Variants in GTF2E2 observed in about 807,000 individuals in gnomAD.
The protein encoded by GTF2E2 is general transcription factor IIE subunit 2.
GTF2E2 carries 21 observed loss-of-function variants against 40.5 expected under a neutral mutation model. That is an observed-to-expected ratio of 0.52 (90% CI 0.37 to 0.75). The LOEUF (loss-of-function observed/expected upper bound fraction) is 0.75. Ranked by LOEUF, GTF2E2 falls within the 30% of genes least tolerant of loss-of-function variation. The pLI is 0.00. For synonymous variants in GTF2E2, 117 were observed against 121.6 expected (o/e 0.96, Z 0.25); for missense variants, 298 against 338.4 (o/e 0.88, Z 0.94).
At chr8:30,645,569 T>C (rs1487035701) in intron 2 of GTF2E2, 2 of 1,535,536 alleles carry the variant, frequency 1.3e-6, no homozygotes, top group Non-Finnish European at 1.7e-6. Context: ...ATGGACAACA[T>C]CAGAAAACGT....
intron 2 of GTF2E2, chr8:30,645,581 A>C: frequency 6.5e-7 from 1 of 1,535,634 alleles, no homozygotes; most frequent in East Asian, 2.4e-5. Context: ...AGAAAACGTG[A>C]AACTGAAGTG....
intron 3 of GTF2E2, among the ~76,000 whole-genome samples, chr8:30,620,111 T>G (rs1298875604): frequency 6.6e-6 from 1 of 152,004 alleles, no homozygotes; most frequent in East Asian, 1.9e-4. Context: ...ATACTCTGAC[T>G]TTAGCCCAGC....
At chr8:30,652,837 A>G (rs1394609338) in intron 2 of GTF2E2, among the ~76,000 whole-genome samples, 1 of 152,244 alleles carries the variant, frequency 6.6e-6, no homozygotes, top group Admixed American at 6.5e-5. Context: ...ATGGATAAAC[A>G]AACTGTGGTA....
intron 2 of GTF2E2, among the ~76,000 whole-genome samples, chr8:30,643,150 A>C (rs1311597912): frequency 6.6e-6 from 1 of 152,212 alleles, no homozygotes; most frequent in Non-Finnish European, 1.5e-5. Flanking sequence ...GAAAACAAAA[A>C]AATTTAAGGA....
intron 2 of GTF2E2, among the ~76,000 whole-genome samples, chr8:30,642,206 A>G (rs976712857): frequency 6.6e-6 from 1 of 152,124 alleles, no homozygotes; most frequent in Non-Finnish European, 1.5e-5. Context: ...AGTGCATTAA[A>G]TAAGTCAATA....
chr8:30,590,813 C>T (rs779269661), intron 6 of GTF2E2, among the ~76,000 whole-genome samples: 33 of 152,180 alleles, frequency 2.2e-4, no homozygotes, highest in Non-Finnish European at 4.1e-4. Context: ...GCCTCAGCCT[C>T]CCGAGTAGCT....
intron 6 of GTF2E2, among the ~76,000 whole-genome samples, chr8:30,580,800 A>C (rs1828495778): frequency 6.6e-6 from 1 of 151,864 alleles, no homozygotes; most frequent in Non-Finnish European, 1.5e-5. Context: ...GGGAGACGGG[A>C]ACCGAAGTTT....
intron 2 of GTF2E2, chr8:30,638,526 T>A (rs1454942972): frequency 6.6e-6 from 1 of 152,640 alleles, no homozygotes; most frequent in Non-Finnish European, 1.5e-5. Context: ...TAGAGGAAAC[T>A]GTCAGCTCCA....
At chr8:30,633,523 T>TA (rs1053759913) in intron 3 of GTF2E2, among the ~76,000 whole-genome samples, 6 of 152,188 alleles carry the variant, frequency 3.9e-5, no homozygotes, top group African/African-American at 1.4e-4. Context: ...GTTATCAACT[T>TA]AAATATGTAC....
At chr8:30,650,113 G>C (rs546456500) in intron 2 of GTF2E2, among the ~76,000 whole-genome samples, 3 of 152,266 alleles carry the variant, frequency 2.0e-5, no homozygotes, top group African/African-American at 7.2e-5. Flanking sequence ...GAATTACCCT[G>C]AGAGGCACCA....
chr8:30,585,947 T>C (rs868727165), intron 6 of GTF2E2, among the ~76,000 whole-genome samples: 1 of 151,964 alleles, frequency 6.6e-6, no homozygotes, highest in East Asian at 1.9e-4. Context: ...CCGGGCATGG[T>C]GGTGTTCACT....
chr8:30,614,237 A>G (rs2151130061), intron 4 of GTF2E2, among the ~76,000 whole-genome samples: 1 of 152,298 alleles, frequency 6.6e-6, no homozygotes, highest in East Asian at 1.9e-4. Flanking sequence ...AAGACCCTAC[A>G]CCATTTCTTT....
intron 6 of GTF2E2, among the ~76,000 whole-genome samples, chr8:30,589,376 G>C (rs1208562521): frequency 6.6e-6 from 1 of 152,156 alleles, no homozygotes; most frequent in African/African-American, 2.4e-5. Flanking sequence ...GGGCAAAAGC[G>C]AGACCTCCAT....
chr8:30,641,373 GT>G (rs1215092573), intron 2 of GTF2E2, among the ~76,000 whole-genome samples: 2 of 152,084 alleles, frequency 1.3e-5, no homozygotes, highest in South Asian at 4.2e-4. Context: ...TTTTGGTTTG[GT>G]TTTTTTGAGA....
chr8:30,600,482 T>C (rs1829145975), intron 6 of GTF2E2, among the ~76,000 whole-genome samples: 1 of 152,198 alleles, frequency 6.6e-6, no homozygotes, highest in Non-Finnish European at 1.5e-5. Flanking sequence ...ACAATACTAT[T>C]ATTTCTATTT....
intron 1 of GTF2E2, among the ~76,000 whole-genome samples, chr8:30,656,498 T>TA (rs1802453058): frequency 6.6e-6 from 1 of 152,170 alleles, no homozygotes; most frequent in Non-Finnish European, 1.5e-5. Context: ...ATCTGGACTT[T>TA]AAAAAAATTA....
rs144633707 is a variant in GTF2E2, at chr8:30,580,423, T to A, written c.644-27A>T. On this transcript the variant is annotated intron_variant, in intron 6 of 7. Transcript: ENST00000355904. ...TGTATCAAACAGACACTAGTTATTT[T>A]ACAATCCATTTTTACAAACTATAGC... The A allele has an allele frequency of 9.1e-4, 1,105 of 1,213,020 alleles. 12 individuals carry two copies. In the African/African-American group the frequency reaches 0.015, roughly 16 times the overall value. The allele number at this position is 1,213,020 out of a possible 1,614,324, so 75.1% of individuals were successfully genotyped here. A position where few individuals can be genotyped will look rare whatever the true frequency, so the allele number is the denominator to read the frequency against.
In GTF2E2 at chr8:30,582,072, C is replaced by T. The variant is rs148186689; in HGVS notation, c.644-1676G>A. Among the ~76,000 whole-genome samples, 33 of 152,298 alleles carry T rather than the reference C, an allele frequency of 2.2e-4. 1 individual carries two copies. The East Asian group carries it at 6.2e-3, about 28-fold the overall frequency. ...TGTTGCCCAAACTGGAAAGCAGTGG[C>T]GCAATCTCAGCTCACTGTAACCTCC... On this transcript the variant is annotated intron_variant, in intron 6 of 7. Transcript: ENST00000355904.
Position 30,578,805 on chromosome 8 carries a change from C to G in GTF2E2, c.*116G>C. On this transcript the variant is annotated 3_prime_UTR_variant, in exon 8 of 8. Transcript: ENST00000355904. ...ATTTGCACTTGTTTTGTAAACTGAA[C>G]TGCTCCTCTCCTCAGCCGCAAGAAG... 1.5e-6 allele frequency: 1 copy of G among 687,628 alleles called. No individual in the cohort carries two copies. The highest frequency in any genetic ancestry group is 1.6e-5 in the South Asian group (1 of 61,166). 42.6% of individuals were successfully genotyped at this position (687,628 alleles called of 1,614,324 possible).
Sources: gnomAD v4.1 joint callset for allele counts (sites outside exome capture counted in the v4.1 genomes callset) on GRCh38, gnomAD v4.1.1 for gene constraint, MANE v1.5 for transcripts, NCBI Gene and HGNC (gene_info 2026-07-23, HGNC 2026-07-21) for gene names.